The following RYR3 variants were observed in gnomAD, a reference collection of about 807,000 sequenced individuals.
RYR3 encodes the protein brain ryanodine receptor-calcium release channel.
Under a neutral mutation model 584.3 loss-of-function variants are expected in RYR3, and 207 were observed. The ratio of observed to expected loss-of-function variants is 0.35; its 90% CI spans 0.32 to 0.40. The LOEUF is 0.40. RYR3 is among the 10% of genes least tolerant of loss of function. The probability of loss-of-function intolerance (pLI) is 1.00; values close to 1 mark genes in which losing one functional copy is unlikely to be tolerated. For missense variants in RYR3, 5,616 were observed against 6,089.2 expected, an observed-to-expected ratio of 0.92 and a Z score of 2.59; for synonymous variants, 2,416 against 2,248.5, an observed-to-expected ratio of 1.07 and a Z score of -2.11.
At chr15:33,830,866 T>C (rs1169369378) in intron 85 of RYR3, 97 bp from the exon 86 acceptor site, 4 of 1,298,070 alleles carry the variant, frequency 3.1e-6, no homozygotes, top group South Asian at 1.5e-5. Flanking sequence ...AAAGAGGTCA[T>C]AGAGATGCAG....
At chr15:33,609,522 C>T (rs971045874) in intron 18 of RYR3, among the ~76,000 whole-genome samples, 3 of 152,150 alleles carry the variant, frequency 2.0e-5, no homozygotes, top group East Asian at 1.9e-4. Flanking sequence ...TGGGCAGTGG[C>T]GTGCGCCTGT....
intron 11 of RYR3, among the ~76,000 whole-genome samples, chr15:33,565,837 T>C (rs2057685789): frequency 6.6e-6 from 1 of 152,130 alleles, no homozygotes; most frequent in Admixed American, 6.5e-5. Flanking sequence ...CCAAAAAAAT[T>C]GTGTCATGAT....
chr15:33,558,326 T>C (rs1274056851), intron 10 of RYR3, among the ~76,000 whole-genome samples: 1 of 145,286 alleles, frequency 6.9e-6, no homozygotes, highest in Non-Finnish European at 1.5e-5. Flanking sequence ...AATTCCCACC[T>C]ATGAGTGAGA....
At chr15:33,643,655 C>T (rs1016397195) in intron 27 of RYR3, among the ~76,000 whole-genome samples, 13 of 152,026 alleles carry the variant, frequency 8.6e-5, no homozygotes, top group Non-Finnish European at 1.6e-4. Flanking sequence ...ATCCTACTCT[C>T]GAAACGTGAA....
chr15:33,644,007 T>C (rs1204163526), intron 27 of RYR3, among the ~76,000 whole-genome samples: 1 of 152,218 alleles, frequency 6.6e-6, no homozygotes, highest in Non-Finnish European at 1.5e-5. Flanking sequence ...TTTCTCTTAC[T>C]GGTTTTGCCT....
chr15:33,859,530 A>G, intron 99 of RYR3, 45 bp from the exon 100 acceptor site: 1 of 1,608,138 alleles, frequency 6.2e-7, no homozygotes, highest in Non-Finnish European at 8.5e-7. Context: ...TGCTAAAAAC[A>G]GAACTGTGAC....
chr15:33,395,793 G>A (rs1437983448), intron 1 of RYR3, among the ~76,000 whole-genome samples: 1 of 152,178 alleles, frequency 6.6e-6, no homozygotes, highest in Non-Finnish European at 1.5e-5. Flanking sequence ...CCTTGAAAGT[G>A]ACTTCACTTA....
intron 2 of RYR3, among the ~76,000 whole-genome samples, chr15:33,493,588 G>T (rs545733832): frequency 2.0e-5 from 3 of 152,108 alleles, no homozygotes; most frequent in African/African-American, 4.8e-5. Flanking sequence ...CAGGTGCAAG[G>T]GTTCCAACTT....
At chr15:33,687,815 G>C (rs933539663) in intron 38 of RYR3, among the ~76,000 whole-genome samples, 2 of 152,162 alleles carry the variant, frequency 1.3e-5, no homozygotes, top group African/African-American at 4.8e-5. Context: ...AATGGGGAAA[G>C]GATTCCCTAT....
rs2152623122 is a variant in RYR3 at position 33,628,474 on chromosome 15, A to G, written c.2578A>G (p.Ile860Val). The G allele has an allele frequency of 6.2e-7, 1 of 1,606,002 alleles. No homozygotes were observed. The change falls in exon 21 of 104, where the codon ATT becomes GTT. Residue 860 changes from isoleucine to valine, a missense_variant. By Grantham distance (29) the Ile-to-Val change is conservative. Around this residue, in one of 9 missense-constraint regions of RYR3, gnomAD observed 1,284 missense variants for 1,344.6 expected, o/e 0.95. Transcript: ENST00000634891. ...TCACTTGCTCCTTTTCCTTTAGGTT[A>G]TTTTGCCACCTCACCTAGAAAAGAT... ...IPCPVDTSQV[I>V]LPPHLEKIRD...
intron 6 of RYR3, among the ~76,000 whole-genome samples, chr15:33,540,466 T>A (rs1030219131): frequency 8.5e-5 from 13 of 152,178 alleles, no homozygotes; most frequent in Non-Finnish European, 1.3e-4. Context: ...CTAGGCCAAG[T>A]GTTGGGTAAT....
At chr15:33,535,552 T>C (rs2055255093) in intron 5 of RYR3, among the ~76,000 whole-genome samples, 1 of 152,244 alleles carries the variant, frequency 6.6e-6, no homozygotes, top group Non-Finnish European at 1.5e-5. Flanking sequence ...ACACTCTGAA[T>C]ATACACTTCT....
At chr15:33,607,718 T>A (rs566657112) in intron 18 of RYR3, among the ~76,000 whole-genome samples, 3 of 152,184 alleles carry the variant, frequency 2.0e-5, no homozygotes, top group African/African-American at 7.2e-5. Flanking sequence ...CATATTGTTA[T>A]TTTTTTCTAA....
chr15:33,774,986 A>T (rs2073892158), intron 64 of RYR3, among the ~76,000 whole-genome samples: 1 of 151,410 alleles, frequency 6.6e-6, no homozygotes, highest in Non-Finnish European at 1.5e-5. Flanking sequence ...ATATGTCTGT[A>T]TGTTTCTTGG....
intron 16 of RYR3, among the ~76,000 whole-genome samples, chr15:33,597,856 G>C (rs973843219): frequency 1.3e-5 from 2 of 151,334 alleles, no homozygotes; most frequent in African/African-American, 4.9e-5. Context: ...AAAAACTTAT[G>C]AGGCGTGCCA....
intron 62 of RYR3, 47 bp from the exon 63 acceptor site, chr15:33,771,873 C>T: frequency 6.9e-7 from 1 of 1,447,982 alleles, no homozygotes; most frequent in South Asian, 1.2e-5. Context: ...GGGGATTGGC[C>T]AAAAGTTCAG....
chr15:33,587,229 G>A (rs1444375564), intron 16 of RYR3, among the ~76,000 whole-genome samples: 1 of 152,192 alleles, frequency 6.6e-6, no homozygotes, highest in Non-Finnish European at 1.5e-5. Context: ...TGAAGCTTCC[G>A]CTTCAGTCCA....
intron 65 of RYR3, among the ~76,000 whole-genome samples, chr15:33,784,964 T>C (rs1335065177): frequency 2.0e-5 from 3 of 152,136 alleles, no homozygotes; most frequent in Admixed American, 2.0e-4. Flanking sequence ...CCCTCAATCA[T>C]TCAGGGTGAG....
intron 27 of RYR3, among the ~76,000 whole-genome samples, chr15:33,638,153 A>C (rs188074740): frequency 6.6e-6 from 1 of 152,240 alleles, no homozygotes; most frequent in South Asian, 2.1e-4. Flanking sequence ...TTTAAAATCA[A>C]AATTTTAAAG....
Sources: allele counts gnomAD v4.1 joint callset (sites outside exome capture counted in the v4.1 genomes callset), GRCh38; gene constraint gnomAD v4.1.1; regional missense constraint gnomAD v4.1.1; transcripts MANE v1.5; gene names NCBI Gene and HGNC (gene_info 2026-07-23, HGNC 2026-07-21).